OSTM1: variants seen among roughly 807,000 people sequenced by gnomAD.
The protein encoded by OSTM1 is osteopetrosis-associated transmembrane protein 1.
In OSTM1, 26 loss-of-function variants were observed where a neutral mutation model predicts 35.4. The observed-to-expected ratio is 0.73, with a 90% CI of 0.54 to 1.02. OSTM1 has a LOEUF of 1.02. Among genes scored for constraint, OSTM1 ranks in the 50% least tolerant of loss-of-function variants. OSTM1 has a pLI of 0.00. For synonymous variants in OSTM1, 181 were observed against 165.0 expected, an observed-to-expected ratio of 1.10 and a Z score of -0.75; for missense variants, 366 against 409.6, an observed-to-expected ratio of 0.89 and a Z score of 0.92.
At chr6:108,061,713 T>C (rs755203813) in intron 2 of OSTM1, among the ~76,000 whole-genome samples, 8 of 151,700 alleles carry the variant, frequency 5.3e-5, no homozygotes, top group Non-Finnish European at 7.4e-5. Flanking sequence ...TTCTTTTCTT[T>C]TCTTTGTAGA....
rs1465643575 is a variant in OSTM1, at chr6:108,064,256, G to C, written c.446C>G (p.Ala149Gly). 2 of 1,603,580 alleles carry C rather than the reference G, an allele frequency of 1.2e-6. No homozygotes were observed. The highest frequency in any genetic ancestry group is 4.5e-5 in the East Asian group (2 of 44,776). The change falls in exon 2 of 6, where the codon GCA (alanine) becomes GGA (glycine). Residue 149 changes from alanine to glycine, a missense_variant. Around this residue, in one of 3 missense-constraint regions of OSTM1, gnomAD observed 236 missense variants for 239.3 expected, o/e 0.99. Transcript: ENST00000193322. ...SQSCARSLLM[A>G]DRMQIVVILS... ...AATCACAACTATTTGCATTCTATCTGCCATTAAGAGACTTCTGGCACAACT... is the reference window on the plus strand; with the variant it reads ...AATCACAACTATTTGCATTCTATCTCCCATTAAGAGACTTCTGGCACAACT...
chr6:108,069,566 AG>A (rs1772446226), intron 1 of OSTM1, among the ~76,000 whole-genome samples: 1 of 152,208 alleles, frequency 6.6e-6, no homozygotes. Context: ...CAAGTAGAAT[AG>A]GACAGAGCCT....
chr6:108,048,817 T>A (rs1235483473), intron 5 of OSTM1, among the ~76,000 whole-genome samples: 3 of 148,058 alleles, frequency 2.0e-5, no homozygotes, highest in Non-Finnish European at 4.4e-5. Flanking sequence ...AGTGGTGCGA[T>A]CTCGGTTCAC....
intron 5 of OSTM1, among the ~76,000 whole-genome samples, chr6:108,048,935 T>G (rs1772028956): frequency 6.6e-6 from 1 of 151,976 alleles, no homozygotes; most frequent in African/African-American, 2.4e-5. Flanking sequence ...GCATTTTTAG[T>G]AGAGATGGGG....
intron 1 of OSTM1, among the ~76,000 whole-genome samples, chr6:108,066,938 C>T (rs894633181): frequency 6.6e-6 from 1 of 152,180 alleles, no homozygotes; most frequent in Non-Finnish European, 1.5e-5. Flanking sequence ...ATACTTAGAA[C>T]TCTTAATACT....
intron 2 of OSTM1, among the ~76,000 whole-genome samples, chr6:108,056,446 C>G (rs1772171126): frequency 6.6e-6 from 1 of 152,126 alleles, no homozygotes; most frequent in African/African-American, 2.4e-5. Context: ...AAATACATGC[C>G]ACTGCCTACT....
intron 2 of OSTM1, among the ~76,000 whole-genome samples, chr6:108,063,561 A>G (rs1175336680): frequency 6.6e-6 from 1 of 152,260 alleles, no homozygotes; most frequent in African/African-American, 2.4e-5. Context: ...TATTCAAAAC[A>G]TCATCTGAAT....
chr6:108,061,188 TAA>T (rs1307063835), intron 2 of OSTM1, among the ~76,000 whole-genome samples: 1 of 152,078 alleles, frequency 6.6e-6, no homozygotes, highest in Non-Finnish European at 1.5e-5. Context: ...AACAAAATTT[TAA>T]AAGTCAGTAT....
intron 1 of OSTM1, among the ~76,000 whole-genome samples, chr6:108,067,892 T>G (rs1772408743): frequency 6.6e-6 from 1 of 150,794 alleles, no homozygotes; most frequent in African/African-American, 2.4e-5. Context: ...AGTCCCACAT[T>G]GCTCTTTAGT....
chr6:108,072,778 G>A (rs1416791763), intron 1 of OSTM1, among the ~76,000 whole-genome samples: 1 of 151,912 alleles, frequency 6.6e-6, no homozygotes, highest in Non-Finnish European at 1.5e-5. Context: ...TTTATTGTGA[G>A]ATGGAGTCTC....
chr6:108,058,176 G>A (rs74298467), intron 2 of OSTM1, among the ~76,000 whole-genome samples: 2,926 of 150,750 alleles, frequency 0.019, 27 homozygotes, highest in East Asian at 0.05. Context: ...AAGGTATTAA[G>A]GATTCAAGTT....
chr6:108,069,838 ATTATAG>A (rs1323163133), intron 1 of OSTM1, among the ~76,000 whole-genome samples: 8 of 152,202 alleles, frequency 5.3e-5, no homozygotes, highest in African/African-American at 1.4e-4. Flanking sequence ...AGGGAATTCT[ATTATAG>A]TTAAACTAAT....
In OSTM1 at chr6:108,041,591, A is replaced by C. The variant is rs1356951241; in HGVS notation, c.*3194T>G. The C allele has an allele frequency of 6.6e-5, 10 of 152,230 alleles. No homozygotes were observed. Among genetic ancestry groups the C allele is most frequent in the Non-Finnish European group, 1.5e-4 (10 of 68,038 alleles). 9.4% of individuals were successfully genotyped at this position (152,230 alleles called of 1,614,324 possible). On this transcript the variant is annotated 3_prime_UTR_variant, in exon 6 of 6. Coordinates refer to ENST00000193322, the MANE Select transcript of OSTM1 (RefSeq NM_014028.4). Reference sequence around the variant, plus strand: ...TCAGCATAAGCCAAAGCCTTTTTAAAATAACCAATACTATCATTTTATGAA... The same window carrying C: ...TCAGCATAAGCCAAAGCCTTTTTAACATAACCAATACTATCATTTTATGAA...
intron 1 of OSTM1, among the ~76,000 whole-genome samples, chr6:108,064,894 A>G (rs1772349668): frequency 6.6e-6 from 1 of 152,214 alleles, no homozygotes; most frequent in African/African-American, 2.4e-5. Context: ...ATGTGGGAGA[A>G]GAAATGGAAA....
intron 4 of OSTM1, chr6:108,049,644 T>C: frequency 1.0e-6 from 1 of 979,650 alleles, no homozygotes; most frequent in Non-Finnish European, 1.4e-6. Flanking sequence ...ATATTCTAAG[T>C]CCATAATACT....
chr6:108,062,375 A>T (rs1324166536), intron 2 of OSTM1, among the ~76,000 whole-genome samples: 1 of 152,188 alleles, frequency 6.6e-6, no homozygotes, highest in Admixed American at 6.5e-5. Context: ...ACTCAGAATC[A>T]TACACAATTT....
intron 1 of OSTM1, among the ~76,000 whole-genome samples, chr6:108,071,727 T>C (rs1362197313): frequency 1.3e-5 from 2 of 152,110 alleles, no homozygotes; most frequent in Non-Finnish European, 2.9e-5. Flanking sequence ...TAATGAATCA[T>C]ATCCAGCTCT....
intron 5 of OSTM1, among the ~76,000 whole-genome samples, chr6:108,047,178 G>A (rs1242302103): frequency 2.6e-5 from 4 of 152,224 alleles, no homozygotes; most frequent in South Asian, 4.1e-4. Context: ...AAATGGAGAG[G>A]TGTATTCTTA....
At chr6:108,046,219 A>T (rs1348146055) in intron 5 of OSTM1, among the ~76,000 whole-genome samples, 1 of 128,406 alleles carries the variant, frequency 7.8e-6, no homozygotes, top group African/African-American at 3.1e-5. Context: ...ACAGGATTTC[A>T]CCGTGTTAGC....
Sources: gnomAD v4.1 joint callset for allele counts (sites outside exome capture counted in the v4.1 genomes callset) on GRCh38, gnomAD v4.1.1 for gene constraint, gnomAD v4.1.1 regional missense constraint, MANE v1.5 for transcripts, NCBI Gene and HGNC (gene_info 2026-07-23, HGNC 2026-07-21) for gene names.